IPO7: variants seen among roughly 807,000 people sequenced by gnomAD.
IPO7 encodes the protein importin-7.
A neutral mutation model predicts 136.4 loss-of-function variants in IPO7; 13 were observed. The observed-to-expected ratio is 0.10, with a 90% CI of 0.06 to 0.15. IPO7 has a LOEUF of 0.15. Ranked by LOEUF, IPO7 falls within the 10% of genes least tolerant of loss-of-function variation. The pLI, the probability that IPO7 is intolerant of heterozygous loss-of-function variation, is 1.00. For missense variants in IPO7, 857 were observed against 1,240.6 expected, an observed-to-expected ratio of 0.69 and a Z score of 4.65; for synonymous variants, 403 against 404.4, an observed-to-expected ratio of 1.00 and a Z score of 0.04.
chr11:9,416,005 C>G (rs746373827), intron 5 of IPO7, among the ~76,000 whole-genome samples: 4 of 152,098 alleles, frequency 2.6e-5, no homozygotes, highest in Non-Finnish European at 5.9e-5. Flanking sequence ...TGGTTCAAGT[C>G]ATACCATTAC....
chr11:9,402,526 A>G (rs898163689), intron 1 of IPO7, among the ~76,000 whole-genome samples: 2 of 151,440 alleles, frequency 1.3e-5, no homozygotes, highest in Non-Finnish European at 2.9e-5. Flanking sequence ...GTTCGAGACC[A>G]GCTTGGCCAA....
chr11:9,443,828 A>G (rs1357392510), intron 24 of IPO7, among the ~76,000 whole-genome samples: 1 of 151,844 alleles, frequency 6.6e-6, no homozygotes, highest in Non-Finnish European at 1.5e-5. Context: ...TGAATGTGGG[A>G]GGTGTAGGTT....
chr11:9,410,587 C>A (rs993322843), intron 4 of IPO7, among the ~76,000 whole-genome samples: 1 of 94,664 alleles, frequency 1.1e-5, no homozygotes, highest in Non-Finnish European at 2.6e-5. Flanking sequence ...TCACCTATTT[C>A]ATTGTTGCAT....
Position 9,397,570 on chromosome 11 carries a change from C to T in IPO7, c.85-5720C>T, listed in dbSNP as rs1159905282. Among the ~76,000 whole-genome samples the T allele has an allele frequency of 3.3e-5, 5 of 150,780 alleles. No homozygotes were observed. In the East Asian group the frequency reaches 9.8e-4, roughly 30 times the overall value. ...AACATGGCTTCCAAACATAAACCAA[C>T]AGTTTAATCTGGGGTTCTAATCATA... On this transcript the variant is annotated intron_variant, in intron 1 of 24. Transcript: ENST00000379719.
At chr11:9,395,723 A>T (rs1564991464) in intron 1 of IPO7, among the ~76,000 whole-genome samples, 1 of 151,872 alleles carries the variant, frequency 6.6e-6, no homozygotes, top group East Asian at 2.0e-4. Context: ...TTATAAAGTT[A>T]TGCTTTTTTT....
chr11:9,421,671 G>A (rs952545692), intron 8 of IPO7, among the ~76,000 whole-genome samples: 4 of 139,208 alleles, frequency 2.9e-5, no homozygotes, highest in African/African-American at 1.1e-4. Context: ...AAGGCTGGGC[G>A]CAGTTGCTCA....
chr11:9,407,974 TC>T (rs1256154045), intron 2 of IPO7, among the ~76,000 whole-genome samples: 3 of 152,242 alleles, frequency 2.0e-5, no homozygotes, highest in Admixed American at 2.0e-4. Context: ...CAGTAAATTC[TC>T]CCATAACATA....
In IPO7 at chr11:9,403,290, G is replaced by A. The variant is rs571327790; in HGVS notation, c.85G>A (p.Ala29Thr). 188 of 1,607,632 alleles carry A rather than the reference G, an allele frequency of 1.2e-4. 1 individual carries two copies. The South Asian group carries it at 1.9e-3, about 16-fold the overall frequency. The change falls in exon 2 of 25, where the codon GCA (alanine) becomes ACA (threonine). Residue 29 changes from alanine to threonine, a missense_variant and splice_region_variant. This residue lies in a region of IPO7 where 49 missense variants were observed against 59.9 expected (regional missense o/e 0.82). Coordinates refer to ENST00000379719, the MANE Select transcript of IPO7 (RefSeq NM_006391.3). The part of the protein sequence containing the change: ...REAAERQLNE[A>T]HKSLNFVSTL... ...TAAAATGGACTTTTTTTCTTTGTAG[G>A]CACACAAGTCTCTGAATTTTGTCTC...
intron 10 of IPO7, 23 bp downstream of exon 10, chr11:9,423,899 G>A (rs780768129): frequency 7.1e-7 from 1 of 1,414,254 alleles, no homozygotes; most frequent in East Asian, 2.3e-5. Flanking sequence ...CACGTTTTTA[G>A]AAACAAAAAA....
chr11:9,405,980 C>G (rs7483862), intron 2 of IPO7, among the ~76,000 whole-genome samples: 1 of 151,710 alleles, frequency 6.6e-6, no homozygotes, highest in Non-Finnish European at 1.5e-5. Flanking sequence ...CTTCAAACTT[C>G]TGGGCTCAAA....
chr11:9,414,565 A>G (rs1047243487), intron 5 of IPO7, 154 bp downstream of exon 5: 8 of 444,166 alleles, frequency 1.8e-5, no homozygotes, highest in Admixed American at 1.3e-4. Flanking sequence ...TGCAAAAATT[A>G]TAAGTCTAAA....
At chr11:9,400,598 A>G (rs1854779448) in intron 1 of IPO7, among the ~76,000 whole-genome samples, 1 of 151,666 alleles carries the variant, frequency 6.6e-6, no homozygotes, top group South Asian at 2.1e-4. Flanking sequence ...AATTTTTTGT[A>G]TTTTTAGTAC....
At chr11:9,396,198 C>A (rs1357291341) in intron 1 of IPO7, among the ~76,000 whole-genome samples, 1 of 151,840 alleles carries the variant, frequency 6.6e-6, no homozygotes, top group Non-Finnish European at 1.5e-5. Flanking sequence ...GAGTTGGAGA[C>A]CAGCCTGGCC....
chr11:9,414,841 G>C (rs1855018943), intron 5 of IPO7, among the ~76,000 whole-genome samples: 1 of 151,480 alleles, frequency 6.6e-6, no homozygotes, highest in African/African-American at 2.4e-5. Context: ...GGTCATGCTG[G>C]TCTCGAACTC....
chr11:9,420,161 A>C lies in IPO7; in HGVS notation c.727-250A>C, dbSNP rs561198959. 2.0e-5 allele frequency: 8 copies of C among 394,900 alleles called. No individual in the cohort carries two copies. In the South Asian group the frequency reaches 2.9e-4, roughly 14 times the overall value. 24.5% of individuals were successfully genotyped at this position (394,900 alleles called of 1,614,324 possible). A position where few individuals can be genotyped will look rare whatever the true frequency, so the allele number is the denominator to read the frequency against. On this transcript the variant is annotated intron_variant, in intron 6 of 24. Transcript: ENST00000379719. Reference sequence around the variant, plus strand: ...ACCCCGTCTCTACTAAAAATACAAAAATAAAATTAGCTGGGCGTTGTGGCG... The same window carrying C: ...ACCCCGTCTCTACTAAAAATACAAACATAAAATTAGCTGGGCGTTGTGGCG...
intron 24 of IPO7, among the ~76,000 whole-genome samples, chr11:9,443,774 C>T (rs1246782630): frequency 1.3e-5 from 2 of 151,808 alleles, no homozygotes; most frequent in African/African-American, 4.8e-5. Context: ...GTGGTGCATG[C>T]CTGTAGTCCC....
At chr11:9,441,385 A>C (rs189621735) in intron 23 of IPO7, among the ~76,000 whole-genome samples, 12 of 152,366 alleles carry the variant, frequency 7.9e-5, no homozygotes, top group Admixed American at 7.2e-4. Context: ...ATCCACGTTA[A>C]GAAATTAAAT....
rs1238499611 is a variant in IPO7 at position 9,397,333 on chromosome 11, T to TAAAAAAAAAAAAA, written c.85-5948_85-5947insAAAAAAAAAAAAA. Among the ~76,000 whole-genome samples, 10 of 52,906 alleles carry TAAAAAAAAAAAAA rather than the reference T, an allele frequency of 1.9e-4. 1 individual carries two copies. The highest frequency in any genetic ancestry group is 7.9e-4 in the African/African-American group (10 of 12,656). The allele number at this position is 52,906 out of a possible 152,430, so 34.7% of individuals were successfully genotyped here. A position where few individuals can be genotyped will look rare whatever the true frequency, so the allele number is the denominator to read the frequency against. ...AACCCCGTCTTTACTAAAAATAATT[T>TAAAAAAAAAAAAA]AAAAAAAAATATATATATATATATA... On this transcript the variant is annotated intron_variant, in intron 1 of 24. Transcript: ENST00000379719.
chr11:9,387,127 T>G (rs1854561870), intron 1 of IPO7, among the ~76,000 whole-genome samples: 1 of 152,222 alleles, frequency 6.6e-6, no homozygotes, highest in East Asian at 1.9e-4. Flanking sequence ...GAAAGGCTCT[T>G]GCTTTGGAGA....
Sources: gnomAD v4.1 joint callset for allele counts (sites outside exome capture counted in the v4.1 genomes callset) on GRCh38, gnomAD v4.1.1 for gene constraint, gnomAD v4.1.1 regional missense constraint, MANE v1.5 for transcripts, NCBI Gene and HGNC (gene_info 2026-07-23, HGNC 2026-07-21) for gene names.